The following BICD1 variants were observed in gnomAD, a reference collection of about 807,000 sequenced individuals.
BICD1 encodes the protein BICD cargo adaptor 1.
A neutral mutation model predicts 92.5 loss-of-function variants in BICD1; 35 were observed. That is an observed-to-expected ratio of 0.38 (90% CI 0.29 to 0.50). BICD1 has a LOEUF of 0.50. Among genes scored for constraint, BICD1 ranks in the 20% least tolerant of loss-of-function variants. The pLI, the probability that BICD1 is intolerant of heterozygous loss-of-function variation, is 0.93. For missense variants in BICD1, 950 were observed against 1,189.8 expected (o/e 0.80, Z 2.97); for synonymous variants, 429 against 465.1 (o/e 0.92, Z 1.00).
rs1555141634 is a variant in BICD1, at chr12:32,171,988, C to CACACACATATAT, written c.214-44257_214-44256insACACATATATAC. ...ACACACACACACACACACACACACA[C>CACACACATATAT]ACTAAAACTGCTGACATTGAGCATT... On this transcript the variant is annotated intron_variant, in intron 1 of 9. Transcript: ENST00000652176. Among the ~76,000 whole-genome samples the CACACACATATAT allele has an allele frequency of 6.0e-3, 800 of 132,516 alleles. 5 individuals carry two copies. Among genetic ancestry groups the CACACACATATAT allele is most frequent in the Non-Finnish European group, 0.01 (628 of 61,898 alleles). The allele number at this position is 132,516 out of a possible 152,430, so 86.9% of individuals were successfully genotyped here. A position where few individuals can be genotyped will look rare whatever the true frequency, so the allele number is the denominator to read the frequency against.
intron 1 of BICD1, among the ~76,000 whole-genome samples, chr12:32,115,250 C>T (rs1273044761): frequency 2.0e-5 from 3 of 152,136 alleles, no homozygotes; most frequent in African/African-American, 7.2e-5. Flanking sequence ...TAGAGAAAAG[C>T]ATATATAAAT....
At position 32,367,704 on chromosome 12, in the gene BICD1, G is replaced by A; in HGVS notation, c.2799G>A (p.Gln933=). Residue 933 remains glutamine (Q), a synonymous_variant, in exon 9 of 10, where the codon CAG becomes CAA. Coordinates refer to ENST00000652176, the MANE Select transcript of BICD1 (RefSeq NM_001714.4). The stretch of plus-strand genomic sequence containing the variant: ...AGCCTGCTGCCTCCGTACCGCCACA[G>A]TGCTCACAACTAGCCGGGAGGCAAG... ...CQQPAASVPP[Q]CSQLAGRQDC... 2.5e-6 allele frequency: 4 copies of A among 1,614,154 alleles called. No individual in the cohort carries two copies. The highest frequency in any genetic ancestry group is 3.4e-6 in the Non-Finnish European group (4 of 1,180,038).
intron 1 of BICD1, among the ~76,000 whole-genome samples, chr12:32,200,362 C>T (rs966508464): frequency 6.6e-6 from 1 of 152,220 alleles, no homozygotes; most frequent in Non-Finnish European, 1.5e-5. Context: ...ACAGAGATAG[C>T]TGGATGATGG....
At chr12:32,306,532 C>T (rs969742976) in intron 4 of BICD1, among the ~76,000 whole-genome samples, 41 of 152,136 alleles carry the variant, frequency 2.7e-4, no homozygotes, top group African/African-American at 8.9e-4. Flanking sequence ...CGTGAGCCAC[C>T]GCGCCCAGCC....
At chr12:32,155,599 G>C (rs559426283) in intron 1 of BICD1, among the ~76,000 whole-genome samples, 6 of 152,098 alleles carry the variant, frequency 3.9e-5, no homozygotes, top group Admixed American at 2.6e-4. Context: ...CAAAGAGATC[G>C]CTTTTGTTGC....
At chr12:32,239,341 C>G (rs1946170153) in intron 2 of BICD1, among the ~76,000 whole-genome samples, 1 of 149,958 alleles carries the variant, frequency 6.7e-6, no homozygotes, top group African/African-American at 2.5e-5. Flanking sequence ...CCGAGGCAGG[C>G]GGATCATCTG....
intron 2 of BICD1, among the ~76,000 whole-genome samples, chr12:32,274,127 G>C (rs1022395614): frequency 1.3e-5 from 2 of 152,112 alleles, no homozygotes; most frequent in Non-Finnish European, 2.9e-5. Context: ...AGTTCTTTTC[G>C]ACACTTTAAT....
chr12:32,242,215 C>CAAAAAAAA (rs4001812), intron 2 of BICD1, among the ~76,000 whole-genome samples: 5 of 47,732 alleles, frequency 1.0e-4, no homozygotes, highest in African/African-American at 4.9e-4. Context: ...GACCCTGTCT[C>CAAAAAAAA]AAAAAAAAAA....
intron 2 of BICD1, among the ~76,000 whole-genome samples, chr12:32,247,144 C>G (rs1946409371): frequency 6.6e-6 from 1 of 151,048 alleles, no homozygotes; most frequent in Non-Finnish European, 1.5e-5. Context: ...GTAGTCCCAG[C>G]TACTAGGGAG....
intron 2 of BICD1, among the ~76,000 whole-genome samples, chr12:32,274,878 A>C (rs1446011361): frequency 1.3e-5 from 2 of 152,224 alleles, no homozygotes; most frequent in African/African-American, 2.4e-5. Context: ...CAGTTGGCCA[A>C]GCTGTAAAAT....
chr12:32,179,883 A>G (rs1224283848), intron 1 of BICD1, among the ~76,000 whole-genome samples: 2 of 151,014 alleles, frequency 1.3e-5, no homozygotes, highest in Admixed American at 6.6e-5. Context: ...CCAGCTACTC[A>G]GGAGGCTGAG....
At chr12:32,189,969 G>A (rs562128191) in intron 1 of BICD1, among the ~76,000 whole-genome samples, 297 of 152,248 alleles carry the variant, frequency 2.0e-3, no homozygotes, top group Non-Finnish European at 2.8e-3. Flanking sequence ...AAAGTGCTGG[G>A]ATTACAGGCG....
At chr12:32,363,540 A>G (rs976416078) in intron 8 of BICD1, among the ~76,000 whole-genome samples, 19 of 152,196 alleles carry the variant, frequency 1.2e-4, no homozygotes, top group African/African-American at 3.9e-4. Flanking sequence ...GTTACTAAAG[A>G]CCATAAAAAG....
intron 8 of BICD1, among the ~76,000 whole-genome samples, chr12:32,355,790 G>A (rs1351356286): frequency 2.6e-5 from 4 of 151,340 alleles, no homozygotes; most frequent in East Asian, 1.9e-4. Context: ...CCTGGGTGAC[G>A]GAGCAAGACT....
chr12:32,295,656 C>CCT (rs759443093), intron 3 of BICD1, among the ~76,000 whole-genome samples: 4 of 140,678 alleles, frequency 2.8e-5, no homozygotes, highest in Non-Finnish European at 6.2e-5. Context: ...AATTTGATTT[C>CCT]TTTTTTTTTT....
intron 1 of BICD1, among the ~76,000 whole-genome samples, chr12:32,149,797 A>C (rs901224558): frequency 4.6e-5 from 7 of 152,244 alleles, no homozygotes; most frequent in Admixed American, 6.5e-5. Flanking sequence ...TGGCATCCTC[A>C]CATGGTGAAA....
chr12:32,357,941 C>T (rs1029041932), intron 8 of BICD1, among the ~76,000 whole-genome samples: 3 of 152,114 alleles, frequency 2.0e-5, no homozygotes, highest in African/African-American at 7.2e-5. Flanking sequence ...CATCATGGGC[C>T]ATTCCACTGA....
intron 1 of BICD1, among the ~76,000 whole-genome samples, chr12:32,205,007 A>G (rs1398558032): frequency 6.6e-6 from 1 of 152,210 alleles, no homozygotes; most frequent in African/African-American, 2.4e-5. Context: ...AGAGTCCAAT[A>G]TGATTCCAAA....
chr12:32,191,932 T>A (rs1410326034), intron 1 of BICD1, among the ~76,000 whole-genome samples: 2 of 151,986 alleles, frequency 1.3e-5, no homozygotes, highest in African/African-American at 2.4e-5. Context: ...ATTAAACCAA[T>A]TAATAACCCT....
Sources: allele counts gnomAD v4.1 joint callset (sites outside exome capture counted in the v4.1 genomes callset), GRCh38; gene constraint gnomAD v4.1.1; transcripts MANE v1.5; gene names NCBI Gene and HGNC (gene_info 2026-07-23, HGNC 2026-07-21).